Variants in CLDN16 observed in about 807,000 individuals in gnomAD.
CLDN16 encodes claudin-16.
In CLDN16, 13 loss-of-function variants were observed where a neutral mutation model predicts 24.6. That is an observed-to-expected ratio of 0.53 (90% CI 0.34 to 0.84). The LOEUF (loss-of-function observed/expected upper bound fraction) is 0.84, where lower values mean the gene tolerates loss of function less well. CLDN16 is among the 40% of genes least tolerant of loss of function. The pLI is 0.01. For missense variants in CLDN16, 298 were observed against 292.7 expected, an observed-to-expected ratio of 1.02 and a Z score of -0.13; for synonymous variants, 116 against 106.7, an observed-to-expected ratio of 1.09 and a Z score of -0.54.
intron 2 of CLDN16, among the ~76,000 whole-genome samples, chr3:190,371,568 A>G (rs1247195188): frequency 6.6e-6 from 1 of 151,952 alleles, no homozygotes; most frequent in African/African-American, 2.4e-5. Flanking sequence ...TTGAAATTAC[A>G]TTCCCAGCCT....
intron 1 of CLDN16, among the ~76,000 whole-genome samples, chr3:190,351,333 GT>G (rs200212363): frequency 0.032 from 4,753 of 150,710 alleles, 234 homozygotes; most frequent in African/African-American, 0.11. Context: ...GAAACAGACT[GT>G]TTTTTTTTCC....
chr3:190,303,681 T>C, the CLDN16 span, among the ~76,000 whole-genome samples: 1 of 152,212 alleles, frequency 6.6e-6, no homozygotes, highest in Non-Finnish European at 1.5e-5. Context: ...AGACTCCACT[T>C]TATAAATAAC....
chr3:190,393,207 A>G (rs2108661954), intron 1 of CLDN16, among the ~76,000 whole-genome samples: 1 of 152,326 alleles, frequency 6.6e-6, no homozygotes, highest in East Asian at 1.9e-4. Flanking sequence ...ACTCACCAAG[A>G]GTTTAAATGA....
intron 1 of CLDN16, among the ~76,000 whole-genome samples, chr3:190,364,989 G>A (rs1185326344): frequency 6.6e-6 from 1 of 151,658 alleles, no homozygotes; most frequent in Admixed American, 6.6e-5. Flanking sequence ...TTGAGAACTG[G>A]CTCAGATATG....
At chr3:190,406,943 T>A (rs1560099281) in intron 3 of CLDN16, among the ~76,000 whole-genome samples, 1 of 152,036 alleles carries the variant, frequency 6.6e-6, no homozygotes, top group African/African-American at 2.4e-5. Context: ...GGTTTCACCA[T>A]GTTGGCCAGG....
In CLDN16 at chr3:190,410,092, T is replaced by C; in HGVS notation, c.*56T>C. The C allele has an allele frequency of 1.3e-6, 2 of 1,579,830 alleles. No homozygotes were observed. Among genetic ancestry groups the C allele is most frequent in the South Asian group, 2.2e-5 (2 of 90,340 alleles). ...ATTTAATCAATCAGTATGGTTACAT[T>C]GATAAAATAGTAAGTCAATCCAGGA... is the stretch of plus-strand genomic sequence containing the variant. On this transcript the variant is annotated 3_prime_UTR_variant, in exon 5 of 5. Transcript: ENST00000264734.
chr3:190,337,616 A>G lies in CLDN16; in HGVS notation n.121+14955A>G, dbSNP rs117545421. On this transcript the variant is annotated intron_variant and non_coding_transcript_variant, in intron 1 of 4. Coordinates refer to the CLDN16 transcript ENST00000468220. ...TCTGTGCTGAGCTCCTTATATGATA[A>G]TATTCTTTGACAAAACCAGCCAGAC... 2.8e-3 allele frequency among the ~76,000 whole-genome samples: 430 copies of G among 152,302 alleles called. 11 individuals carry two copies. The South Asian group carries it at 0.042, about 15-fold the overall frequency.
rs10563626 is a variant in CLDN16 at position 190,350,344 on chromosome 3, T to TTATATATATATATA, written n.122-20540_122-20527dup. The stretch of plus-strand genomic sequence containing the variant: ...AGTTTAAGAATCATAGTTCATAATG[T>TTATATATATATATA]TATATATATATATATATATATACTT... On this transcript the variant is annotated intron_variant and non_coding_transcript_variant, in intron 1 of 4. Transcript: ENST00000468220. 1.5e-3 allele frequency among the ~76,000 whole-genome samples: 208 copies of TTATATATATATATA among 142,046 alleles called. 2 individuals carry two copies. Among genetic ancestry groups the TTATATATATATATA allele is most frequent in the African/African-American group, 3.8e-3 (146 of 38,802 alleles). 93.2% of individuals were successfully genotyped at this position (142,046 alleles called of 152,430 possible).
chr3:190,372,472 C>T (rs1006236715), intron 2 of CLDN16, among the ~76,000 whole-genome samples: 2 of 151,146 alleles, frequency 1.3e-5, no homozygotes, highest in East Asian at 2.0e-4. Context: ...TTGAGACCCC[C>T]TTCCCCCCCA....
chr3:190,329,709 C>CT (rs985852358), intron 1 of CLDN16, among the ~76,000 whole-genome samples: 8 of 152,072 alleles, frequency 5.3e-5, no homozygotes, highest in Admixed American at 4.6e-4. Context: ...GGTTATTTAA[C>CT]TTTTTTTCTC....
chr3:190,363,554 G>GCATATATATATATATATA (rs10663299), intron 1 of CLDN16, among the ~76,000 whole-genome samples: 9 of 81,354 alleles, frequency 1.1e-4, no homozygotes, highest in South Asian at 4.7e-4. Context: ...GTGTGTGTGT[G>GCATATATATATATATATA]TGTATATATA....
At chr3:190,357,452 A>C (rs1366274996) in intron 1 of CLDN16, among the ~76,000 whole-genome samples, 1 of 151,620 alleles carries the variant, frequency 6.6e-6, no homozygotes, top group Admixed American at 6.6e-5. Context: ...CTCTTCTTTC[A>C]CCTTTGTTCA....
intron 1 of CLDN16, among the ~76,000 whole-genome samples, chr3:190,363,541 C>CGTGTGTGTGT (rs202074908): frequency 1.8e-4 from 3 of 16,960 alleles, no homozygotes; most frequent in African/African-American, 5.3e-4. Context: ...AGTTGCTGTG[C>CGTGTGTGTGT]GTGTGTGTGT....
chr3:190,321,958 C>A (rs1716933347), upstream of CLDN16: 1 of 1,597,124 alleles, frequency 6.3e-7, no homozygotes. Flanking sequence ...CTCTGGACGG[C>A]CGCTGTGAGG....
At chr3:190,323,356 G>C (rs1255774794) in intron 1 of CLDN16, among the ~76,000 whole-genome samples, 2 of 152,158 alleles carry the variant, frequency 1.3e-5, no homozygotes, top group South Asian at 4.2e-4. Context: ...GTGGCAAAAG[G>C]ACTGGGCTGG....
chr3:190,365,731 A>G (rs975360064), intron 1 of CLDN16, among the ~76,000 whole-genome samples: 5 of 151,498 alleles, frequency 3.3e-5, no homozygotes, highest in Non-Finnish European at 5.9e-5. Flanking sequence ...GGTCCAGTAT[A>G]TACACAGTCT....
intron 1 of CLDN16, among the ~76,000 whole-genome samples, chr3:190,362,620 C>T (rs911463590): frequency 1.2e-4 from 18 of 151,930 alleles, no homozygotes; most frequent in Admixed American, 3.9e-4. Flanking sequence ...TCTAGGCAGC[C>T]GGCAACGTGA....
chr3:190,396,457 G>C (rs1202958619), intron 1 of CLDN16, among the ~76,000 whole-genome samples: 4 of 152,126 alleles, frequency 2.6e-5, no homozygotes, highest in Admixed American at 2.0e-4. Flanking sequence ...CTTCCAATGA[G>C]AGTATATGAA....
chr3:190,342,251 T>C (rs1717454146), intron 1 of CLDN16, among the ~76,000 whole-genome samples: 1 of 152,084 alleles, frequency 6.6e-6, no homozygotes, highest in African/African-American at 2.4e-5. Context: ...TACCTGAGAC[T>C]GGGCAATTTA....
Sources: allele counts gnomAD v4.1 joint callset (sites outside exome capture counted in the v4.1 genomes callset), GRCh38; gene constraint gnomAD v4.1.1; transcripts MANE v1.5; gene names NCBI Gene and HGNC (gene_info 2026-07-23, HGNC 2026-07-21).